Variants in SRR observed in about 807,000 individuals in gnomAD.
SRR encodes D-serine ammonia-lyase.
SRR carries 19 observed loss-of-function variants against 32.7 expected under a neutral mutation model. The observed-to-expected ratio is 0.58, with a 90% CI of 0.40 to 0.85. SRR has a LOEUF of 0.85. Among genes scored for constraint, SRR ranks in the 40% least tolerant of loss-of-function variants. The pLI is 0.00. For synonymous variants in SRR, 142 were observed against 140.9 expected (o/e 1.01, Z -0.06); for missense variants, 373 against 404.7 (o/e 0.92, Z 0.67).
chr17:2,319,282 T>G (rs772722973), intron 4 of SRR, among the ~76,000 whole-genome samples: 1 of 152,190 alleles, frequency 6.6e-6, no homozygotes, highest in Non-Finnish European at 1.5e-5. Flanking sequence ...TTCCTCATCT[T>G]AGTAAATGGC....
intron 1 of SRR, among the ~76,000 whole-genome samples, chr17:2,315,196 G>A (rs549829631): frequency 3.5e-4 from 52 of 150,320 alleles, no homozygotes; most frequent in Non-Finnish European, 6.6e-4. Context: ...AGCCGAGATT[G>A]TGCCACTGCA....
At chr17:2,323,038 T>A in intron 6 of SRR, 98 bp from the exon 7 acceptor site, 3 of 1,277,678 alleles carry the variant, frequency 2.3e-6, no homozygotes, top group Non-Finnish European at 3.4e-6. Flanking sequence ...GTGTTGGGAT[T>A]ACAGGTGTGA....
intron 1 of SRR, chr17:2,306,892 G>A: frequency 1.1e-6 from 1 of 926,458 alleles, no homozygotes; most frequent in Non-Finnish European, 1.8e-6. Context: ...GGACTGTGTG[G>A]TAATGAGAGA....
At position 2,323,733 on chromosome 17, in the gene SRR, T is replaced by C; in HGVS notation, c.883T>C (p.Ser295Pro). The C allele has an allele frequency of 6.2e-7, 1 of 1,614,218 alleles. No individual in the cohort carries two copies. Residue 295 changes from serine (S) to proline (P), a missense_variant, in exon 8 of 8, where the codon TCT (serine) becomes CCT (proline). Transcript: ENST00000344595. ...TAGVGVAAVL[S>P]QHFQTVSPEV... ...TGGTGTTGGAGTGGCTGCTGTGCTG[T>C]CTCAACATTTTCAAACTGTTTCCCC...
chr17:2,324,105 C>CCCATTATTTTCT lies in SRR; in HGVS notation c.*232_*233insCCATTATTTTCT. 1 of 1,461,910 alleles carries CCCATTATTTTCT rather than the reference C, an allele frequency of 6.8e-7. No homozygotes were observed. Among genetic ancestry groups the CCCATTATTTTCT allele is most frequent in the African/African-American group, 1.4e-5 (1 of 70,756 alleles). The allele number at this position is 1,461,910 out of a possible 1,614,324, so 90.6% of individuals were successfully genotyped here. A position where few individuals can be genotyped will look rare whatever the true frequency, so the allele number is the denominator to read the frequency against. The stretch of plus-strand genomic sequence containing the variant: ...ATGGGGCAGTGGACTGACAGGCTGA[C>CCCATTATTTTCT]ATAGAAAATAAACTTTGCCCAATCA... On this transcript the variant is annotated 3_prime_UTR_variant, in exon 8 of 8. Transcript: ENST00000344595.
At chr17:2,317,188 G>A (rs1393269988) in intron 2 of SRR, among the ~76,000 whole-genome samples, 1 of 131,342 alleles carries the variant, frequency 7.6e-6, no homozygotes, top group African/African-American at 2.9e-5. Flanking sequence ...GGGTGATAGA[G>A]GAAGACTCCA....
intron 1 of SRR, chr17:2,306,694 G>A: frequency 2.1e-6 from 1 of 487,760 alleles, no homozygotes; most frequent in Non-Finnish European, 3.7e-6. Context: ...TCCAGCCTGG[G>A]TGACAGATAG....
At chr17:2,323,088 G>A (rs1374395322) in intron 6 of SRR, 48 bp from the exon 7 acceptor site, 5 of 1,577,938 alleles carry the variant, frequency 3.2e-6, no homozygotes, top group Non-Finnish European at 4.4e-6. Flanking sequence ...AGACATGCAG[G>A]CAATGTTGTG....
chr17:2,321,096 A>G (rs2075523837), intron 4 of SRR, among the ~76,000 whole-genome samples: 1 of 152,160 alleles, frequency 6.6e-6, no homozygotes, highest in Non-Finnish European at 1.5e-5. Flanking sequence ...ACTCCATTGC[A>G]CTTAGACATA....
At chr17:2,321,753 C>A in intron 6 of SRR, 137 bp downstream of exon 6, 1 of 720,812 alleles carries the variant, frequency 1.4e-6, no homozygotes, top group Non-Finnish European at 2.4e-6. Context: ...GAGATGAAGG[C>A]CCATCTCTGC....
intron 1 of SRR, among the ~76,000 whole-genome samples, chr17:2,309,037 G>A (rs1043491094): frequency 3.9e-5 from 6 of 152,134 alleles, no homozygotes; most frequent in Non-Finnish European, 5.9e-5. Context: ...AGAATCGCTT[G>A]AATCCGGGAG....
In SRR at chr17:2,324,754, A is replaced by T. The variant is rs1483508156; in HGVS notation, c.*881A>T. On this transcript the variant is annotated 3_prime_UTR_variant, in exon 8 of 8. Transcript: ENST00000344595. The stretch of plus-strand genomic sequence containing the variant: ...AAAAATTTTGAAAGGATGACCACTC[A>T]GAACAACTCTCTTGATGACCATTCT... The T allele has an allele frequency of 1.2e-6, 2 of 1,614,130 alleles. No homozygotes were observed. Among genetic ancestry groups the T allele is most frequent in the African/African-American group, 1.3e-5 (1 of 74,964 alleles).
upstream of SRR, chr17:2,303,680 T>G: frequency 6.7e-7 from 1 of 1,495,738 alleles, no homozygotes; most frequent in Non-Finnish European, 8.9e-7. Context: ...CCCGCGCAGC[T>G]CCGACGCGGA....
In SRR at chr17:2,324,990, T is replaced by C; in HGVS notation, c.*1117T>C. 1 of 734,944 alleles carries C rather than the reference T, an allele frequency of 1.4e-6. No homozygotes were observed. Among genetic ancestry groups the C allele is most frequent in the East Asian group, 2.8e-5 (1 of 36,328 alleles). The allele number at this position is 734,944 out of a possible 1,614,324, so 45.5% of individuals were successfully genotyped here. A position where few individuals can be genotyped will look rare whatever the true frequency, so the allele number is the denominator to read the frequency against. ...TAAACTGTAAGCCCACACTTAACCTTGTCAATAGGTTCTTGAAAACTTGTA... is the reference window on the plus strand; with the variant it reads ...TAAACTGTAAGCCCACACTTAACCTCGTCAATAGGTTCTTGAAAACTTGTA... On this transcript the variant is annotated 3_prime_UTR_variant, in exon 8 of 8. Coordinates refer to ENST00000344595, the MANE Select transcript of SRR (RefSeq NM_021947.3).
intron 1 of SRR, chr17:2,306,712 G>T (rs1167123256): frequency 3.8e-6 from 2 of 530,428 alleles, no homozygotes; most frequent in Non-Finnish European, 6.8e-6. Context: ...TAGAGACTCT[G>T]TCTCAAAAAT....
At position 2,317,752 on chromosome 17, in the gene SRR, G is replaced by A. The variant is rs1005667118; in HGVS notation, c.169-118G>A. 4.6e-6 allele frequency: 5 copies of A among 1,082,262 alleles called. No individual in the cohort carries two copies. In the African/African-American group the frequency reaches 6.4e-5, roughly 14 times the overall value. The allele number at this position is 1,082,262 out of a possible 1,614,324, so 67.0% of individuals were successfully genotyped here. ...ACATGAGATATTTAAGAGGTAAATC[G>A]ATAAGATTTGGTGACAGATTGGATG... On this transcript the variant is annotated intron_variant, in intron 2 of 7. Coordinates refer to ENST00000344595, the MANE Select transcript of SRR (RefSeq NM_021947.3).
chr17:2,315,820 AAG>A, intron 2 of SRR, 92 bp downstream of exon 2: 1 of 1,248,238 alleles, frequency 8.0e-7, no homozygotes, highest in East Asian at 2.4e-5. Flanking sequence ...AGATAGGCAG[AAG>A]TAAATTAATG....
At chr17:2,313,426 CAA>C (rs753664185) in intron 1 of SRR, among the ~76,000 whole-genome samples, 18 of 118,432 alleles carry the variant, frequency 1.5e-4, no homozygotes, top group Admixed American at 1.8e-4. Flanking sequence ...AAGACTCTCT[CAA>C]AAAAAAAAAA....
At chr17:2,318,401 T>C (rs1186746345) in intron 3 of SRR, among the ~76,000 whole-genome samples, 1 of 151,624 alleles carries the variant, frequency 6.6e-6, no homozygotes, top group Non-Finnish European at 1.5e-5. Context: ...CCACCCGCCT[T>C]GGCCTCCCAA....
Sources: allele counts gnomAD v4.1 joint callset (sites outside exome capture counted in the v4.1 genomes callset), GRCh38; gene constraint gnomAD v4.1.1; transcripts MANE v1.5; gene names NCBI Gene and HGNC (gene_info 2026-07-23, HGNC 2026-07-21).